UNC13C: variants seen among roughly 807,000 people sequenced by gnomAD.
UNC13C encodes protein unc-13 homolog C.
A neutral mutation model predicts 245.4 loss-of-function variants in UNC13C; 174 were observed. The observed-to-expected ratio is 0.71, with a 90% CI of 0.63 to 0.80. UNC13C has a LOEUF of 0.80. UNC13C is among the 30% of genes least tolerant of loss of function. The pLI, the probability that UNC13C is intolerant of heterozygous loss-of-function variation, is 0.00. For synonymous variants in UNC13C, 992 were observed against 895.1 expected, an observed-to-expected ratio of 1.11 and a Z score of -1.93; for missense variants, 2,829 against 2,602.9, an observed-to-expected ratio of 1.09 and a Z score of -1.89.
intron 2 of UNC13C, among the ~76,000 whole-genome samples, chr15:54,086,579 A>G (rs1241597154): frequency 6.6e-6 from 1 of 152,126 alleles, no homozygotes; most frequent in Non-Finnish European, 1.5e-5. Flanking sequence ...TTTGTTTTGT[A>G]ATCTTAAGAT....
At chr15:54,289,254 G>A (rs1376704332) in intron 10 of UNC13C, among the ~76,000 whole-genome samples, 2 of 152,020 alleles carry the variant, frequency 1.3e-5, no homozygotes, top group Admixed American at 1.3e-4. Flanking sequence ...GTATCTCTGT[G>A]TATGGTAGTA....
chr15:54,000,666 T>C (rs1894844149), intron 1 of UNC13C, among the ~76,000 whole-genome samples: 2 of 152,150 alleles, frequency 1.3e-5, no homozygotes, highest in Non-Finnish European at 2.9e-5. Flanking sequence ...AGGATGTTCT[T>C]TTGGCATTAG....
intron 2 of UNC13C, among the ~76,000 whole-genome samples, chr15:54,016,508 ATTC>A (rs1287610882): frequency 6.6e-6 from 1 of 152,194 alleles, no homozygotes; most frequent in Non-Finnish European, 1.5e-5. Context: ...GTCACAAGCT[ATTC>A]TTTGAGAAGA....
intron 17 of UNC13C, among the ~76,000 whole-genome samples, chr15:54,349,879 C>G (rs975788198): frequency 6.6e-6 from 1 of 151,974 alleles, no homozygotes; most frequent in Non-Finnish European, 1.5e-5. Flanking sequence ...TTGTGGGGCA[C>G]TTAGGAAAAT....
intron 30 of UNC13C, among the ~76,000 whole-genome samples, chr15:54,571,451 T>C (rs1247201177): frequency 6.6e-6 from 1 of 152,224 alleles, no homozygotes; most frequent in Non-Finnish European, 1.5e-5. Context: ...GTGGGAATTA[T>C]GGGAGCTACA....
At chr15:54,599,135 A>G (rs1899257568) in intron 30 of UNC13C, among the ~76,000 whole-genome samples, 1 of 149,424 alleles carries the variant, frequency 6.7e-6, no homozygotes, top group African/African-American at 2.6e-5. Context: ...GTAGAGAAAT[A>G]TCATCATTCC....
intron 17 of UNC13C, among the ~76,000 whole-genome samples, chr15:54,344,625 C>T (rs1213825384): frequency 2.6e-5 from 4 of 152,084 alleles, no homozygotes; most frequent in African/African-American, 4.8e-5. Flanking sequence ...CTCTCGAGCC[C>T]TTTTGAAGCC....
chr15:53,953,409 T>G, the UNC13C span, among the ~76,000 whole-genome samples: 1 of 152,158 alleles, frequency 6.6e-6, no homozygotes, highest in Non-Finnish European at 1.5e-5. Context: ...ACATTAGCAA[T>G]GAGTCTCCAA....
At chr15:53,869,097 C>G in the UNC13C span, among the ~76,000 whole-genome samples, 8 of 152,094 alleles carry the variant, frequency 5.3e-5, no homozygotes, top group East Asian at 5.8e-4. Context: ...AGACAAAGAC[C>G]CTGTCTTAAA....
At chr15:54,056,258 T>C (rs1287090204) in intron 2 of UNC13C, among the ~76,000 whole-genome samples, 2 of 151,760 alleles carry the variant, frequency 1.3e-5, no homozygotes, top group African/African-American at 4.8e-5. Context: ...TGCAGAGAAG[T>C]CCTTAAAGGA....
rs552593976 is a variant in UNC13C, at chr15:54,555,633, G to A, written c.5958+121G>A. 285 of 717,774 alleles carry A rather than the reference G, an allele frequency of 4.0e-4. 5 individuals are homozygous for A. In the South Asian group the frequency reaches 5.3e-3, roughly 13 times the overall value. 44.5% of individuals were successfully genotyped at this position (717,774 alleles called of 1,614,324 possible). ...GCGCCATTCAAAGAGATAGTAGATA[G>A]TTGAATAGATATAGGTTGGTGCAAT... is the stretch of plus-strand genomic sequence containing the variant. On this transcript the variant is annotated intron_variant, in intron 29 of 32. Coordinates refer to ENST00000260323, the MANE Select transcript of UNC13C (RefSeq NM_001080534.3).
intron 30 of UNC13C, among the ~76,000 whole-genome samples, chr15:54,581,132 A>G (rs923479147): frequency 1.3e-5 from 2 of 152,168 alleles, no homozygotes; most frequent in African/African-American, 4.8e-5. Flanking sequence ...AGGCTTTCAG[A>G]AGGGGAGAGA....
At position 54,060,019 on chromosome 15, in the gene UNC13C, A is replaced by G. The variant is rs1022148763; in HGVS notation, c.2983+44133A>G. ...GACCTAAAGCCATGTAAACCCTAGAAGAAAACCTAGGCAATACCATTCAGG... is the reference window on the plus strand; with the variant it reads ...GACCTAAAGCCATGTAAACCCTAGAGGAAAACCTAGGCAATACCATTCAGG... On this transcript the variant is annotated intron_variant, in intron 2 of 32. Transcript: ENST00000260323. Among the ~76,000 whole-genome samples the G allele has an allele frequency of 1.2e-4, 18 of 152,236 alleles. 1 individual carries two copies. Among genetic ancestry groups the G allele is most frequent in the Non-Finnish European group, 2.6e-4 (18 of 68,046 alleles).
intron 24 of UNC13C, among the ~76,000 whole-genome samples, chr15:54,523,537 G>C (rs1342771693): frequency 6.6e-6 from 1 of 152,134 alleles, no homozygotes; most frequent in Non-Finnish European, 1.5e-5. Context: ...ATAATTATTT[G>C]ATGAGAAATA....
At chr15:54,486,031 T>C (rs947448914) in intron 19 of UNC13C, among the ~76,000 whole-genome samples, 3 of 152,146 alleles carry the variant, frequency 2.0e-5, no homozygotes, top group Admixed American at 2.0e-4. Flanking sequence ...ATGGCATTTA[T>C]TGTCTGCCAC....
chr15:54,220,671 C>T (rs1024620080), intron 4 of UNC13C, among the ~76,000 whole-genome samples: 1 of 151,726 alleles, frequency 6.6e-6, no homozygotes, highest in African/African-American at 2.4e-5. Context: ...GGTAGCCAAG[C>T]AAATGTTGTG....
At chr15:54,437,453 T>C (rs1428616966) in intron 19 of UNC13C, among the ~76,000 whole-genome samples, 1 of 151,970 alleles carries the variant, frequency 6.6e-6, no homozygotes, top group Non-Finnish European at 1.5e-5. Context: ...GAGTCTAATC[T>C]ATGACTGATT....
At chr15:54,180,044 C>A (rs76937854) in intron 4 of UNC13C, among the ~76,000 whole-genome samples, 2,637 of 151,972 alleles carry the variant, frequency 0.017, 79 homozygotes, top group African/African-American at 0.062. Context: ...AGGGGGTATA[C>A]GTGCAGGTTC....
chr15:54,507,196 T>A lies in UNC13C; in HGVS notation c.5379+2T>A. 6.4e-7 allele frequency: 1 copy of A among 1,574,490 alleles called. No homozygotes were observed. The highest frequency in any genetic ancestry group is 8.7e-7 in the Non-Finnish European group (1 of 1,155,746). On this transcript the variant is annotated splice_donor_variant, in intron 23 of 32. Transcript: ENST00000260323. LOFTEE classifies it high-confidence loss of function. ...TCACATTGTGATAAGGAAAATGTGG[T>A]AAGTAAAAAATGTCTCTACTTTCAA...
Sources: allele counts gnomAD v4.1 joint callset (sites outside exome capture counted in the v4.1 genomes callset), GRCh38; gene constraint gnomAD v4.1.1; transcripts MANE v1.5; gene names NCBI Gene and HGNC (gene_info 2026-07-23, HGNC 2026-07-21).